The following TMEM9 variants were observed in gnomAD, a reference collection of about 807,000 sequenced individuals.
TMEM9 encodes transmembrane protein 9.
In TMEM9, 13 loss-of-function variants were observed where a neutral mutation model predicts 22.8. That is an observed-to-expected ratio of 0.57 (90% CI 0.37 to 0.91). The LOEUF (loss-of-function observed/expected upper bound fraction) is 0.91. Among genes scored for constraint, TMEM9 ranks in the 40% least tolerant of loss-of-function variants. The pLI is 0.01. For synonymous variants in TMEM9, 88 were observed against 93.0 expected (o/e 0.95, Z 0.31); for missense variants, 182 against 238.1 (o/e 0.76, Z 1.55).
chr1:201,162,830 C>T (rs868175663), intron 1 of TMEM9, among the ~76,000 whole-genome samples: 1 of 151,476 alleles, frequency 6.6e-6, no homozygotes, highest in Non-Finnish European at 1.5e-5. Flanking sequence ...TAATGAAGGA[C>T]TGGTATGTAA....
upstream of TMEM9, among the ~76,000 whole-genome samples, chr1:201,158,571 C>T (rs555823938): frequency 2.6e-5 from 4 of 152,162 alleles, no homozygotes; most frequent in East Asian, 7.7e-4. Context: ...GAAAGGAAGG[C>T]AGGGAGCTCA....
Position 201,151,809 on chromosome 1 carries a change from C to T in TMEM9, c.110G>A (p.Arg37Lys). ...GTTGTAAATGTGCCCACTGATGTTT[C>T]TATAAGGTGGACAGATGCATTTGCA... ...IRCKCICPPYRNISGHIYNQN... is the reference protein window; with the variant it reads ...IRCKCICPPYKNISGHIYNQN... The change falls in exon 2 of 5, where the codon AGA becomes AAA. Residue 37 changes from arginine (R) to lysine (K), a missense_variant. By Grantham distance (26) the Arg-to-Lys change is conservative. Coordinates refer to ENST00000367330, the MANE Select transcript of TMEM9 (RefSeq NM_001288565.2). 1.9e-6 allele frequency: 3 copies of T among 1,614,004 alleles called. No homozygotes were observed. Among genetic ancestry groups the T allele is most frequent in the Non-Finnish European group, 2.5e-6 (3 of 1,180,026 alleles).
At chr1:201,139,912 G>A (rs1664371645) in intron 4 of TMEM9, among the ~76,000 whole-genome samples, 1 of 152,220 alleles carries the variant, frequency 6.6e-6, no homozygotes, top group Non-Finnish European at 1.5e-5. Context: ...ACAATGCTGT[G>A]CTGCCCCACT....
intron 2 of TMEM9, among the ~76,000 whole-genome samples, chr1:201,150,217 T>G (rs1016695675): frequency 7.2e-5 from 11 of 152,236 alleles, no homozygotes; most frequent in Admixed American, 6.5e-4. Context: ...TTACTGATGC[T>G]ATTTGAACTA....
chr1:201,159,411 A>C, upstream of TMEM9, among the ~76,000 whole-genome samples: 1 of 151,624 alleles, frequency 6.6e-6, no homozygotes, highest in East Asian at 1.9e-4. Flanking sequence ...GCTGTGTAGT[A>C]CCCTTTTCTA....
intron 4 of TMEM9, among the ~76,000 whole-genome samples, chr1:201,142,510 T>C (rs1344644178): frequency 1.3e-5 from 2 of 152,238 alleles, no homozygotes. Flanking sequence ...AGCCAAGCTG[T>C]CTTCTACAAA....
intron 4 of TMEM9, among the ~76,000 whole-genome samples, chr1:201,137,677 G>T (rs1342491158): frequency 1.3e-5 from 2 of 152,170 alleles, no homozygotes; most frequent in African/African-American, 4.8e-5. Context: ...ATTAGTAGAT[G>T]GGTATGGCAA....
At chr1:201,136,441 A>T (rs1294159502) in intron 4 of TMEM9, among the ~76,000 whole-genome samples, 1 of 152,180 alleles carries the variant, frequency 6.6e-6, no homozygotes, top group Non-Finnish European at 1.5e-5. Context: ...GCATAGATCC[A>T]GATCCATGGG....
chr1:201,148,160 C>A (rs1665138582), intron 2 of TMEM9, among the ~76,000 whole-genome samples: 1 of 152,186 alleles, frequency 6.6e-6, no homozygotes, highest in Non-Finnish European at 1.5e-5. Context: ...GGATAAAGAT[C>A]ATAGGTTCCA....
At chr1:201,160,580 A>C (rs906377197) in intron 1 of TMEM9, among the ~76,000 whole-genome samples, 4 of 150,658 alleles carry the variant, frequency 2.7e-5, no homozygotes, top group Admixed American at 2.7e-4. Context: ...CAAGAGTGAA[A>C]ATCTGTCTCA....
rs1044333569 is a variant in TMEM9, at chr1:201,150,924, G to A, written c.158+837C>T. Among the ~76,000 whole-genome samples the A allele has an allele frequency of 2.6e-5, 4 of 152,096 alleles. No individual in the cohort carries two copies. The South Asian group carries it at 8.3e-4, about 32-fold the overall frequency. On this transcript the variant is annotated intron_variant, in intron 2 of 4. Coordinates refer to ENST00000367330, the MANE Select transcript of TMEM9 (RefSeq NM_001288565.2). ...TGACCTCAGCCCATCTGTGCTCGGG[G>A]CCCTCCAAGAACGGAGCTTCCTGGC...
At chr1:201,147,016 T>C in intron 2 of TMEM9, 168 bp from the exon 3 acceptor site, 1 of 624,048 alleles carries the variant, frequency 1.6e-6, no homozygotes, top group Non-Finnish European at 2.8e-6. Flanking sequence ...GCAGAAACCC[T>C]TCCTAACCCA....
intron 1 of TMEM9, among the ~76,000 whole-genome samples, chr1:201,153,159 T>C (rs1414031305): frequency 6.6e-6 from 1 of 152,238 alleles, no homozygotes; most frequent in Non-Finnish European, 1.5e-5. Flanking sequence ...TGTGCTTAGT[T>C]ACCCTGAACA....
At chr1:201,156,131 A>G (rs1665786413), upstream of TMEM9, among the ~76,000 whole-genome samples, 1 of 152,164 alleles carries the variant, frequency 6.6e-6, no homozygotes, top group South Asian at 2.1e-4. Flanking sequence ...ACACAACACT[A>G]AAGATACCCA....
rs866035458 is a variant in TMEM9, at chr1:201,138,672, C to T, written c.400-2857G>A. Among the ~76,000 whole-genome samples, 8 of 152,324 alleles carry T rather than the reference C, an allele frequency of 5.3e-5. No individual in the cohort carries two copies. In the Middle Eastern group the frequency reaches 0.01, roughly 194 times the overall value. ...TGACTATGACAAGTGCCACTATGTG[C>T]CAGGCGCTCTGCTAGGCACTTTACA... On this transcript the variant is annotated intron_variant, in intron 4 of 4. Coordinates refer to ENST00000367330, the MANE Select transcript of TMEM9 (RefSeq NM_001288565.2).
rs370117217 is a variant in TMEM9 at position 201,143,969 on chromosome 1, G to A, written c.268-18C>T. The A allele has an allele frequency of 5.6e-6, 9 of 1,613,562 alleles. No individual in the cohort carries two copies. Among genetic ancestry groups the A allele is most frequent in the African/African-American group, 5.3e-5 (4 of 74,908 alleles). ...ATGATGACCTGAGGAAGAGACCGGC[G>A]TGCCTATGAACCATTATCTGAGGCC... On this transcript the variant is annotated intron_variant, in intron 3 of 4. Coordinates refer to ENST00000367330, the MANE Select transcript of TMEM9 (RefSeq NM_001288565.2).
rs1203599097 is a variant in TMEM9 at position 201,165,150 on chromosome 1, T to TTTTATA, written c.-37+6339_-37+6340insTATAAA. ...CATTTTATCACTTTTTAAGAGAAAA[T>TTTTATA]TATATATATATATATATATATATAT... On this transcript the variant is annotated intron_variant, in intron 1 of 5. Transcript: ENST00000367333. Among the ~76,000 whole-genome samples, 72 of 87,092 alleles carry TTTTATA rather than the reference T, an allele frequency of 8.3e-4. 2 individuals are homozygous for TTTTATA. The South Asian group carries it at 0.018, about 22-fold the overall frequency. The allele number at this position is 87,092 out of a possible 152,430, so 57.1% of individuals were successfully genotyped here.
At chr1:201,138,411 G>A (rs577877369) in intron 4 of TMEM9, among the ~76,000 whole-genome samples, 3 of 152,364 alleles carry the variant, frequency 2.0e-5, no homozygotes, top group Middle Eastern at 3.4e-3. Context: ...CTCCACATCT[G>A]TTTCAGAGAC....
intron 1 of TMEM9, among the ~76,000 whole-genome samples, chr1:201,153,447 A>G (rs991573489): frequency 6.6e-6 from 1 of 152,234 alleles, no homozygotes; most frequent in Non-Finnish European, 1.5e-5. Context: ...ATGAAACATA[A>G]ACGAACTTCA....
Sources: gnomAD v4.1 joint callset for allele counts (sites outside exome capture counted in the v4.1 genomes callset) on GRCh38, gnomAD v4.1.1 for gene constraint, MANE v1.5 for transcripts, NCBI Gene and HGNC (gene_info 2026-07-23, HGNC 2026-07-21) for gene names.